ARHGAP15: variants seen among roughly 807,000 people sequenced by gnomAD.
ARHGAP15 encodes the protein rho GTPase-activating protein 15.
A neutral mutation model predicts 63.7 loss-of-function variants in ARHGAP15; 51 were observed. That is an observed-to-expected ratio of 0.80 (90% CI 0.64 to 1.01). ARHGAP15 has a LOEUF of 1.01. Among genes scored for constraint, ARHGAP15 ranks in the 50% least tolerant of loss-of-function variants. The pLI, the probability that ARHGAP15 is intolerant of heterozygous loss-of-function variation, is 0.00. For synonymous variants in ARHGAP15, 191 were observed against 193.8 expected, an observed-to-expected ratio of 0.99 and a Z score of 0.12; for missense variants, 560 against 564.6, an observed-to-expected ratio of 0.99 and a Z score of 0.08.
intron 3 of ARHGAP15, among the ~76,000 whole-genome samples, chr2:143,206,074 A>G (rs996077929): frequency 1.3e-5 from 2 of 152,176 alleles, no homozygotes; most frequent in Admixed American, 6.6e-5. Flanking sequence ...AGCCAGGAGT[A>G]GTAACATGAT....
At chr2:143,327,799 G>A (rs561421901) in intron 6 of ARHGAP15, among the ~76,000 whole-genome samples, 16 of 151,962 alleles carry the variant, frequency 1.1e-4, no homozygotes, top group African/African-American at 2.9e-4. Context: ...AGAAACTATC[G>A]TCAGAGTGAA....
chr2:143,388,458 A>G (rs1182725743), intron 6 of ARHGAP15, among the ~76,000 whole-genome samples: 2 of 152,238 alleles, frequency 1.3e-5, no homozygotes, highest in Admixed American at 1.3e-4. Flanking sequence ...TATGTGATAC[A>G]CTACAGATGG....
intron 6 of ARHGAP15, among the ~76,000 whole-genome samples, chr2:143,316,625 T>C (rs1683733598): frequency 1.3e-5 from 2 of 149,886 alleles, no homozygotes; most frequent in South Asian, 4.2e-4. Context: ...TTATAGACTT[T>C]GGAGGCTTTC....
chr2:143,386,623 A>G (rs1435463558), intron 6 of ARHGAP15, among the ~76,000 whole-genome samples: 1 of 152,182 alleles, frequency 6.6e-6, no homozygotes, highest in Non-Finnish European at 1.5e-5. Flanking sequence ...ACATGTACAC[A>G]TACAATGCTA....
At chr2:143,658,600 T>C (rs1681581364) in intron 12 of ARHGAP15, among the ~76,000 whole-genome samples, 1 of 152,172 alleles carries the variant, frequency 6.6e-6, no homozygotes, top group Non-Finnish European at 1.5e-5. Context: ...GGTTTGTTCA[T>C]ATGGGGATTC....
At chr2:143,392,982 GAGA>G (rs1470114729) in intron 6 of ARHGAP15, among the ~76,000 whole-genome samples, 3 of 152,122 alleles carry the variant, frequency 2.0e-5, no homozygotes, top group African/African-American at 7.2e-5. Context: ...GTGTGTAAAG[GAGA>G]AGAAGAGGGA....
chr2:143,448,020 T>C (rs1690228031), intron 8 of ARHGAP15, among the ~76,000 whole-genome samples: 1 of 152,130 alleles, frequency 6.6e-6, no homozygotes, highest in African/African-American at 2.4e-5. Flanking sequence ...GAAGAGAACA[T>C]ACCTATGAAG....
chr2:143,147,832 T>A (rs947595241), intron 1 of ARHGAP15, among the ~76,000 whole-genome samples: 1 of 152,064 alleles, frequency 6.6e-6, no homozygotes, highest in African/African-American at 2.4e-5. Context: ...AGATTAATGT[T>A]TACAAATAGA....
intron 6 of ARHGAP15, among the ~76,000 whole-genome samples, chr2:143,418,808 T>A (rs867944481): frequency 6.6e-6 from 1 of 152,168 alleles, no homozygotes; most frequent in Non-Finnish European, 1.5e-5. Flanking sequence ...CTGTATCTGA[T>A]GTTTCCACAT....
At chr2:143,758,289 TATAA>T (rs1686648924) in intron 13 of ARHGAP15, among the ~76,000 whole-genome samples, 1 of 151,334 alleles carries the variant, frequency 6.6e-6, no homozygotes, top group Non-Finnish European at 1.5e-5. Context: ...TGTATATATA[TATAA>T]ATATATATAA....
intron 1 of ARHGAP15, among the ~76,000 whole-genome samples, chr2:143,144,191 T>C (rs1219926720): frequency 6.6e-6 from 1 of 152,072 alleles, no homozygotes; most frequent in Non-Finnish European, 1.5e-5. Context: ...TAACTCTATG[T>C]CTTTGATACT....
chr2:143,567,144 G>A (rs529597078), intron 11 of ARHGAP15, among the ~76,000 whole-genome samples: 2 of 152,192 alleles, frequency 1.3e-5, no homozygotes, highest in South Asian at 4.2e-4. Flanking sequence ...CAAAGTGCTG[G>A]CATTACAGGG....
At chr2:143,537,205 G>A (rs1483866255) in intron 10 of ARHGAP15, among the ~76,000 whole-genome samples, 2 of 151,974 alleles carry the variant, frequency 1.3e-5, no homozygotes, top group African/African-American at 4.8e-5. Flanking sequence ...CATATCCTTT[G>A]CCCACTTTTT....
intron 6 of ARHGAP15, among the ~76,000 whole-genome samples, chr2:143,330,365 A>G (rs1006479722): frequency 3.3e-5 from 5 of 152,002 alleles, no homozygotes; most frequent in African/African-American, 4.8e-5. Flanking sequence ...TCAAATTTTA[A>G]TATACAAAAC....
intron 13 of ARHGAP15, among the ~76,000 whole-genome samples, chr2:143,745,539 T>A (rs1022503881): frequency 6.6e-6 from 1 of 152,236 alleles, no homozygotes; most frequent in Middle Eastern, 3.2e-3. Flanking sequence ...GTTTCTGCCT[T>A]TCTATTTCAC....
intron 3 of ARHGAP15, among the ~76,000 whole-genome samples, chr2:143,212,682 G>C (rs978298830): frequency 6.6e-6 from 1 of 152,006 alleles, no homozygotes; most frequent in East Asian, 1.9e-4. Context: ...TCAAACCATG[G>C]GATTAACATT....
intron 9 of ARHGAP15, among the ~76,000 whole-genome samples, chr2:143,502,822 C>A (rs1693127406): frequency 6.6e-6 from 1 of 152,140 alleles, no homozygotes; most frequent in Non-Finnish European, 1.5e-5. Flanking sequence ...TCAAGTGATC[C>A]ACCCACCTCA....
chr2:143,367,767 C>T (rs979769097), intron 6 of ARHGAP15, among the ~76,000 whole-genome samples: 3 of 151,934 alleles, frequency 2.0e-5, no homozygotes, highest in Non-Finnish European at 4.4e-5. Flanking sequence ...AAATAAACCA[C>T]TGTGTATTTG....
At chr2:143,338,813 A>C (rs1684926058) in intron 6 of ARHGAP15, among the ~76,000 whole-genome samples, 1 of 152,126 alleles carries the variant, frequency 6.6e-6, no homozygotes, top group African/African-American at 2.4e-5. Context: ...ATTCTTCTTC[A>C]GTTCCTTGAT....
Sources: allele counts gnomAD v4.1 joint callset (sites outside exome capture counted in the v4.1 genomes callset), GRCh38; gene constraint gnomAD v4.1.1; transcripts MANE v1.5; gene names NCBI Gene and HGNC (gene_info 2026-07-23, HGNC 2026-07-21).